Variants in KLHL29 observed in about 807,000 individuals in gnomAD.
The protein encoded by KLHL29 is kelch like family member 29.
Under a neutral mutation model 80.4 loss-of-function variants are expected in KLHL29, and 21 were observed. The ratio of observed to expected loss-of-function variants is 0.26; its 90% CI spans 0.19 to 0.38. KLHL29 has a LOEUF of 0.38. Among genes scored for constraint, KLHL29 ranks in the 10% least tolerant of loss-of-function variants. KLHL29 has a pLI of 1.00. For synonymous variants in KLHL29, 511 were observed against 526.8 expected (o/e 0.97, Z 0.41); for missense variants, 867 against 1,223.9 (o/e 0.71, Z 4.35).
chr2:23,586,586 C>T (rs891082699), intron 3 of KLHL29, among the ~76,000 whole-genome samples: 1 of 152,106 alleles, frequency 6.6e-6, no homozygotes, highest in African/African-American at 2.4e-5. Context: ...GTCTTGAACT[C>T]CTGACCTCAG....
chr2:23,393,266 C>T (rs890932011), intron 1 of KLHL29, among the ~76,000 whole-genome samples: 1 of 152,146 alleles, frequency 6.6e-6, no homozygotes, highest in Non-Finnish European at 1.5e-5. Context: ...GTCACATGTT[C>T]ATGGTTTGTC....
At position 23,680,623 on chromosome 2, in the gene KLHL29, CTCTCTAGGCCATCTTCTCCTGGGG is replaced by C. The variant is rs1387610654; in HGVS notation, c.941-3752_941-3729del. On this transcript the variant is annotated intron_variant, in intron 5 of 13. Coordinates refer to ENST00000486442, the MANE Select transcript of KLHL29 (RefSeq NM_052920.2). The surrounding 1 kb of genome is among the most constrained non-coding windows in gnomAD (Gnocchi z 4.1). ...GCCTCCATGCAGGGAGGGTCATGGGCTCTCTAGGCCATCTTCTCCTGGGGTCTCTAGGCCATCTTCTCCTGGGCT... is the reference window on the plus strand; with the variant it reads ...GCCTCCATGCAGGGAGGGTCATGGGCTCTCTAGGCCATCTTCTCCTGGGCT... Among the ~76,000 whole-genome samples the C allele has an allele frequency of 1.2e-4, 18 of 152,182 alleles. No homozygotes were observed. The highest frequency in any genetic ancestry group is 1.2e-3 in the East Asian group (6 of 5,168).
chr2:23,591,112 A>G (rs144544141), intron 3 of KLHL29, among the ~76,000 whole-genome samples: 44 of 152,232 alleles, frequency 2.9e-4, no homozygotes, highest in African/African-American at 1.0e-3. Context: ...TAAACAGCAC[A>G]CTCAGGGGAC....
chr2:23,670,136 C>G (rs1670669317), intron 5 of KLHL29: 1 of 151,992 alleles, frequency 6.6e-6, no homozygotes, highest in Non-Finnish European at 1.5e-5. Flanking sequence ...AGAGGCTGCA[C>G]AGGGCTCTGG....
At chr2:23,548,923 G>T (rs1299099762) in intron 2 of KLHL29, among the ~76,000 whole-genome samples, 1 of 152,192 alleles carries the variant, frequency 6.6e-6, no homozygotes, top group Non-Finnish European at 1.5e-5. Context: ...ATTCGTCTCT[G>T]TCCTAAGGCT....
chr2:23,700,039 T>C lies in KLHL29; in HGVS notation c.2106-3147T>C, dbSNP rs1226190099. ...CTCGTGCCATCCTTGACTTCCTCTC[T>C]CCTGTGCAAATGGACTCCACGTTCC... On this transcript the variant is annotated intron_variant, in intron 11 of 13. Transcript: ENST00000486442. The surrounding 1 kb of genome is among the most constrained non-coding windows in gnomAD (Gnocchi z 4.6). Among the ~76,000 whole-genome samples the C allele has an allele frequency of 1.3e-5, 2 of 152,190 alleles. No individual in the cohort carries two copies. Among genetic ancestry groups the C allele is most frequent in the Admixed American group, 6.5e-5 (1 of 15,286 alleles).
intron 1 of KLHL29, among the ~76,000 whole-genome samples, chr2:23,411,239 A>G (rs1019283679): frequency 1.3e-5 from 2 of 152,110 alleles, no homozygotes; most frequent in Non-Finnish European, 1.5e-5. Context: ...AGGCCTAGGG[A>G]TTTGTGACAT....
intron 2 of KLHL29, among the ~76,000 whole-genome samples, chr2:23,486,358 T>C (rs1664933038): frequency 6.6e-6 from 1 of 151,890 alleles, no homozygotes. Context: ...TGCTGGGGCT[T>C]ATCCCTCCCA....
At chr2:23,399,031 G>A (rs1387895900) in intron 1 of KLHL29, among the ~76,000 whole-genome samples, 5 of 152,258 alleles carry the variant, frequency 3.3e-5, no homozygotes, top group Non-Finnish European at 7.3e-5. Context: ...AAGGCATGAA[G>A]ATTATGGAGG....
intron 2 of KLHL29, among the ~76,000 whole-genome samples, chr2:23,520,352 A>G (rs981276109): frequency 9.9e-5 from 15 of 152,156 alleles, no homozygotes; most frequent in Admixed American, 6.5e-5. Context: ...GCACCCAGGG[A>G]GGGCTGGAGG....
At chr2:23,427,094 G>A (rs1663024796) in intron 1 of KLHL29, among the ~76,000 whole-genome samples, 3 of 152,130 alleles carry the variant, frequency 2.0e-5, no homozygotes, top group Admixed American at 2.0e-4. Context: ...GCCTCTGAAT[G>A]TCCCTACTCT....
At chr2:23,411,379 T>TTTG (rs1356856042) in intron 1 of KLHL29, among the ~76,000 whole-genome samples, 3 of 108,944 alleles carry the variant, frequency 2.8e-5, no homozygotes, top group African/African-American at 7.6e-5. Context: ...GTTGCAAAAA[T>TTTG]TGTGTGTGTG....
rs1003518748 is a variant in KLHL29 at position 23,506,276 on chromosome 2, G to A, written c.-46+30609G>A. ...CTAGACAACAGAGCAGCTTATCTTC[G>A]CGAAGTTGAAGGCACAGGAAGGCTT... On this transcript the variant is annotated intron_variant, in intron 2 of 13. Coordinates refer to ENST00000486442, the MANE Select transcript of KLHL29 (RefSeq NM_052920.2). Among the ~76,000 whole-genome samples the A allele has an allele frequency of 5.3e-5, 8 of 152,280 alleles. No homozygotes were observed. The East Asian group carries it at 5.8e-4, about 11-fold the overall frequency.
At chr2:23,701,382 T>C (rs1302785253) in intron 11 of KLHL29, among the ~76,000 whole-genome samples, 1 of 152,222 alleles carries the variant, frequency 6.6e-6, no homozygotes. Context: ...GTGATCTCTC[T>C]AGATGCCAAA....
chr2:23,551,880 G>C (rs1217609623), intron 2 of KLHL29, among the ~76,000 whole-genome samples: 1 of 152,210 alleles, frequency 6.6e-6, no homozygotes, highest in East Asian at 1.9e-4. Flanking sequence ...TGTGGCTACT[G>C]GACTATGGAC....
chr2:23,677,982 T>C (rs553573989), intron 5 of KLHL29, among the ~76,000 whole-genome samples: 4 of 152,388 alleles, frequency 2.6e-5, no homozygotes, highest in African/African-American at 9.6e-5. Flanking sequence ...CTCAAGGCTC[T>C]GATTTAATGG....
intron 1 of KLHL29, among the ~76,000 whole-genome samples, chr2:23,466,098 A>G (rs1664345433): frequency 6.6e-6 from 1 of 152,080 alleles, no homozygotes; most frequent in South Asian, 2.1e-4. Flanking sequence ...AAAAAAAATC[A>G]CAGAGAAACG....
chr2:23,467,836 A>C (rs1664394251), intron 1 of KLHL29, among the ~76,000 whole-genome samples: 1 of 151,938 alleles, frequency 6.6e-6, no homozygotes, highest in South Asian at 2.1e-4. Context: ...TGTGAAACCA[A>C]CCCAGCACTC....
Position 23,599,918 on chromosome 2 carries a change from G to A in KLHL29, c.285+37437G>A, listed in dbSNP as rs894620748. 7.9e-5 allele frequency among the ~76,000 whole-genome samples: 12 copies of A among 152,278 alleles called. No individual in the cohort carries two copies. The South Asian group carries it at 2.5e-3, about 32-fold the overall frequency. On this transcript the variant is annotated intron_variant, in intron 3 of 13. Coordinates refer to ENST00000486442, the MANE Select transcript of KLHL29 (RefSeq NM_052920.2). ...GGCTGCCTGGGTTCCTCACTCCAGG[G>A]TCCTCCTTAGGATGTACCCCAAAGG...
Sources: gnomAD v4.1 joint callset for allele counts (sites outside exome capture counted in the v4.1 genomes callset) on GRCh38, gnomAD v4.1.1 for gene constraint, Gnocchi (gnomAD v3.1) non-coding constraint, MANE v1.5 for transcripts, NCBI Gene and HGNC (gene_info 2026-07-23, HGNC 2026-07-21) for gene names.